Variants in PARVA observed in about 807,000 individuals in gnomAD.
PARVA encodes parvin alpha.
PARVA carries 25 observed loss-of-function variants against 52.6 expected under a neutral mutation model. The observed-to-expected ratio is 0.48, with a 90% CI of 0.35 to 0.66. The LOEUF (loss-of-function observed/expected upper bound fraction) is 0.66, where lower values mean the gene tolerates loss of function less well. PARVA is among the 30% of genes least tolerant of loss of function. The pLI is 0.01. For missense variants in PARVA, 373 were observed against 450.9 expected (o/e 0.83, Z 1.56); for synonymous variants, 185 against 179.1 (o/e 1.03, Z -0.26).
chr11:12,522,716 G>T (rs556116949), intron 12 of PARVA, among the ~76,000 whole-genome samples: 3 of 152,106 alleles, frequency 2.0e-5, no homozygotes, highest in South Asian at 4.2e-4. Context: ...ACCCTGCCCG[G>T]CCAAGAAGCT....
At chr11:12,444,523 C>T (rs1036872948) in intron 1 of PARVA, among the ~76,000 whole-genome samples, 3 of 152,078 alleles carry the variant, frequency 2.0e-5, no homozygotes, top group Admixed American at 1.3e-4. Flanking sequence ...AAACTCGCTG[C>T]AGCCTGGAAC....
At chr11:12,433,120 C>A in intron 1 of PARVA, among the ~76,000 whole-genome samples, 1 of 152,204 alleles carries the variant, frequency 6.6e-6, no homozygotes, top group East Asian at 1.9e-4. Flanking sequence ...ATGCTAAATT[C>A]CTTCTGCAGG....
At chr11:12,469,427 T>G (rs1940901034) in intron 1 of PARVA, among the ~76,000 whole-genome samples, 1 of 152,108 alleles carries the variant, frequency 6.6e-6, no homozygotes. Flanking sequence ...CAGTTTTAGA[T>G]TGTTAGAGGA....
In PARVA at chr11:12,518,474, C is replaced by T. The variant is rs776285353; in HGVS notation, c.999C>T (p.Leu333=). ...KVLNVSFAFE[L]MQDGGLEKPK... is the part of the protein sequence containing the mutation. Reference sequence around the variant, plus strand: ...TGAATGTCTCCTTTGCCTTTGAGCTCATGCAAGATGGAGGGTTGGAAAAGC... The same window carrying T: ...TGAATGTCTCCTTTGCCTTTGAGCTTATGCAAGATGGAGGGTTGGAAAAGC... Residue 333 remains leucine (L), a synonymous_variant, in exon 12 of 13, where the codon CTC becomes CTT. Transcript: ENST00000334956. 16 of 1,613,766 alleles carry T rather than the reference C, an allele frequency of 9.9e-6. No homozygotes were observed. Among genetic ancestry groups the T allele is most frequent in the African/African-American group, 1.3e-5 (1 of 75,050 alleles).
intron 1 of PARVA, among the ~76,000 whole-genome samples, chr11:12,439,085 G>A (rs1940426514): frequency 6.6e-6 from 1 of 152,194 alleles, no homozygotes; most frequent in South Asian, 2.1e-4. Flanking sequence ...TGTTTGGGAT[G>A]GACAGTAGAC....
intron 3 of PARVA, among the ~76,000 whole-genome samples, chr11:12,477,637 A>G (rs1008618437): frequency 7.1e-6 from 1 of 140,484 alleles, no homozygotes; most frequent in Admixed American, 7.1e-5. Flanking sequence ...AGTCTCAGCT[A>G]TGCAGGAGGT....
At chr11:12,490,656 C>T (rs550231107) in intron 4 of PARVA, among the ~76,000 whole-genome samples, 4 of 152,032 alleles carry the variant, frequency 2.6e-5, no homozygotes, top group Admixed American at 2.0e-4. Context: ...CCAAAAATAC[C>T]TAAAATGCAA....
At chr11:12,410,229 G>C (rs914619604) in intron 1 of PARVA, among the ~76,000 whole-genome samples, 1 of 152,238 alleles carries the variant, frequency 6.6e-6, no homozygotes, top group African/African-American at 2.4e-5. Flanking sequence ...GATCAGGTTT[G>C]CCTTGTGCTG....
At chr11:12,417,859 C>T (rs149618114) in intron 1 of PARVA, among the ~76,000 whole-genome samples, 3,063 of 152,192 alleles carry the variant, frequency 0.02, 59 homozygotes, top group Non-Finnish European at 0.031. Context: ...AGCCAACAGC[C>T]CCTTCTAGCT....
chr11:12,511,961 T>G (rs7941378), intron 8 of PARVA, among the ~76,000 whole-genome samples: 19,832 of 152,150 alleles, frequency 0.13, 1,440 homozygotes, highest in Admixed American at 0.22. Context: ...TGCAGATGGA[T>G]AAACAACAAT....
At chr11:12,392,688 A>T (rs1285295900) in intron 1 of PARVA, among the ~76,000 whole-genome samples, 1 of 152,244 alleles carries the variant, frequency 6.6e-6, no homozygotes, top group East Asian at 1.9e-4. Flanking sequence ...ATTTGCATGT[A>T]CAAGTTTTGG....
At chr11:12,518,368 CT>C in intron 11 of PARVA, 76 bp from the exon 12 acceptor site, 1 of 1,050,470 alleles carries the variant, frequency 9.5e-7, no homozygotes, top group East Asian at 2.4e-5. Context: ...CAGTGCTGGG[CT>C]CCTTCACTTC....
At chr11:12,525,693 A>G (rs1941691698) in intron 12 of PARVA, among the ~76,000 whole-genome samples, 1 of 152,128 alleles carries the variant, frequency 6.6e-6, no homozygotes, top group Non-Finnish European at 1.5e-5. Flanking sequence ...GCAAGGTAGC[A>G]GGACTCAGCC....
intron 1 of PARVA, among the ~76,000 whole-genome samples, chr11:12,471,059 G>A (rs1353787122): frequency 6.6e-6 from 1 of 152,234 alleles, no homozygotes; most frequent in Non-Finnish European, 1.5e-5. Context: ...CAAAAGGTGA[G>A]GAAAATGAGA....
chr11:12,526,771 TTTTG>T (rs1476887575), intron 12 of PARVA, among the ~76,000 whole-genome samples: 3 of 152,182 alleles, frequency 2.0e-5, no homozygotes, highest in Non-Finnish European at 2.9e-5. Flanking sequence ...AGTTCCATTT[TTTTG>T]TTTGTTTTCT....
rs867770129 is a variant in PARVA, at chr11:12,427,120, G to A, written c.137-46625G>A. ...AGTAAAAATCAGGCTAATAAGACAG[G>A]GTTTTAAATTTTAATTAATATAGTA... On this transcript the variant is annotated intron_variant, in intron 1 of 12. Transcript: ENST00000334956. Among the ~76,000 whole-genome samples the A allele has an allele frequency of 6.6e-5, 10 of 152,058 alleles. No homozygotes were observed. The South Asian group carries it at 1.9e-3, about 28-fold the overall frequency.
intron 5 of PARVA, among the ~76,000 whole-genome samples, chr11:12,503,789 G>A (rs1941392384): frequency 6.6e-6 from 1 of 152,134 alleles, no homozygotes; most frequent in African/African-American, 2.4e-5. Flanking sequence ...GACCACAGGT[G>A]TCCCCTGACC....
chr11:12,499,176 T>C (rs1941335769), intron 5 of PARVA, among the ~76,000 whole-genome samples: 1 of 152,214 alleles, frequency 6.6e-6, no homozygotes, highest in African/African-American at 2.4e-5. Context: ...GAGGGAATAA[T>C]TATCTCATCT....
chr11:12,376,689 A>G (rs1371680987), upstream of PARVA: 2 of 976,812 alleles, frequency 2.0e-6, no homozygotes, highest in African/African-American at 3.5e-5. Flanking sequence ...TCTGTGTGTG[A>G]GAGACAGACA....
Sources: allele counts gnomAD v4.1 joint callset (sites outside exome capture counted in the v4.1 genomes callset), GRCh38; gene constraint gnomAD v4.1.1; transcripts MANE v1.5; gene names NCBI Gene and HGNC (gene_info 2026-07-23, HGNC 2026-07-21).